The following HTR2C variants were observed in gnomAD, a reference collection of about 807,000 sequenced individuals.
HTR2C encodes the protein 5-hydroxytryptamine receptor 2C, also known as 5-hydroxytryptamine (serotonin) receptor 2C, G protein-coupled.
Under a neutral mutation model 21.0 loss-of-function variants are expected in HTR2C, and 5 were observed. That is an observed-to-expected ratio of 0.24 (90% CI 0.12 to 0.50). The LOEUF is 0.50. Among genes scored for constraint, HTR2C ranks in the 20% least tolerant of loss-of-function variants. The probability of loss-of-function intolerance (pLI) is 0.98; values close to 1 mark genes in which losing one functional copy is unlikely to be tolerated. For missense variants in HTR2C, 271 were observed against 371.2 expected, an observed-to-expected ratio of 0.73 and a Z score of 2.22; for synonymous variants, 150 against 145.3, an observed-to-expected ratio of 1.03 and a Z score of -0.23.
chrX:114,726,895 C>T lies in HTR2C; in HGVS notation c.-42C>T. ...GATGAACCTAGCCTGTTAATTTCGT[C>T]TTCTCAATTTTAAACTTTGGTTGCT... On this transcript the variant is annotated 5_prime_UTR_variant, in exon 3 of 6. Transcript: ENST00000276198. 1 of 967,266 alleles carries T rather than the reference C, an allele frequency of 1.0e-6. No individual in the cohort carries two copies. The highest frequency in any genetic ancestry group is 1.4e-6 in the Non-Finnish European group (1 of 704,701). 79.7% of individuals were successfully genotyped at this position (967,266 alleles called of 1,213,427 possible).
intron 2 of HTR2C, among the ~76,000 whole-genome samples, chrX:114,616,714 A>G (rs938938205): frequency 5.3e-5 from 6 of 112,407 alleles, no homozygotes; most frequent in African/African-American, 1.9e-4. Flanking sequence ...GTATGTATAT[A>G]TTTATATCAC....
At chrX:114,666,670 A>G (rs1931190028) in intron 2 of HTR2C, among the ~76,000 whole-genome samples, 1 of 110,954 alleles carries the variant, frequency 9.0e-6, no homozygotes, top group Admixed American at 9.6e-5. Flanking sequence ...CTTGATTTTT[A>G]AGGCCATTTA....
At chrX:114,675,807 A>T (rs1264625624) in intron 2 of HTR2C, among the ~76,000 whole-genome samples, 1 of 111,706 alleles carries the variant, frequency 9.0e-6, no homozygotes, top group Non-Finnish European at 1.9e-5. Flanking sequence ...TTGCCAAAGA[A>T]CATAAAATAT....
chrX:114,775,775 G>A (rs377197730), intron 4 of HTR2C: 1 of 451,938 alleles, frequency 2.2e-6, no homozygotes. Context: ...ACCACCAATA[G>A]AGACAATATC....
chrX:114,729,074 G>A (rs1482129865), intron 3 of HTR2C, among the ~76,000 whole-genome samples: 2 of 111,953 alleles, frequency 1.8e-5, no homozygotes, highest in African/African-American at 6.5e-5. Context: ...ATGCCAGCAG[G>A]ACAAGTTTTT....
intron 4 of HTR2C, among the ~76,000 whole-genome samples, chrX:114,738,040 A>G (rs1037684385): frequency 8.9e-6 from 1 of 112,276 alleles, no homozygotes; most frequent in Admixed American, 9.5e-5. Flanking sequence ...CTTAGCACAC[A>G]GAATCCAATG....
At chrX:114,852,365 C>T (rs2070925399) in intron 5 of HTR2C, among the ~76,000 whole-genome samples, 1 of 108,752 alleles carries the variant, frequency 9.2e-6, no homozygotes. Context: ...TCTTCTATTC[C>T]GTGGTTAACC....
intron 3 of HTR2C, among the ~76,000 whole-genome samples, chrX:114,730,432 T>G: frequency 8.9e-6 from 1 of 111,942 alleles, no homozygotes. Context: ...CAAATCATTA[T>G]CTAGCCTAGA....
At chrX:114,871,113 G>C (rs1406947167) in intron 5 of HTR2C, among the ~76,000 whole-genome samples, 1 of 110,336 alleles carries the variant, frequency 9.1e-6, no homozygotes, top group Non-Finnish European at 1.9e-5. Context: ...ATAGGTTTTG[G>C]TATGTTGTAT....
chrX:114,657,544 G>A (rs1394258400), intron 2 of HTR2C, among the ~76,000 whole-genome samples: 3 of 111,005 alleles, frequency 2.7e-5, no homozygotes, highest in Non-Finnish European at 5.7e-5. Flanking sequence ...AGAAGTAACC[G>A]ATTGCAATGA....
At chrX:114,753,021 C>A (rs1019977017) in intron 4 of HTR2C, among the ~76,000 whole-genome samples, 2 of 110,960 alleles carry the variant, frequency 1.8e-5, no homozygotes, top group Middle Eastern at 4.7e-3. Context: ...ATTTGATAGA[C>A]ATTTATAAAA....
At chrX:114,875,344 T>C (rs1257649629) in intron 5 of HTR2C, among the ~76,000 whole-genome samples, 1 of 111,828 alleles carries the variant, frequency 8.9e-6, no homozygotes, top group African/African-American at 3.3e-5. Flanking sequence ...AATATTTTTT[T>C]CCATGCCATA....
intron 1 of HTR2C, among the ~76,000 whole-genome samples, chrX:114,603,817 A>G (rs782129694): frequency 0.029 from 2,683 of 93,200 alleles, 139 homozygotes; most frequent in African/African-American, 0.1. Flanking sequence ...TTGTAGAGGC[A>G]GGTATTGAAG....
chrX:114,729,433 T>C lies in HTR2C; in HGVS notation c.36-1861T>C, dbSNP rs1400163104. On this transcript the variant is annotated intron_variant, in intron 3 of 5. Transcript: ENST00000276198. ...AGTGACTGGTCAAAAATTACTGAAG[T>C]CAGATAGCCAGGACATTGGCCACAT... 9.9e-5 allele frequency among the ~76,000 whole-genome samples: 11 copies of C among 111,502 alleles called. 1 individual carries two copies. The Admixed American group carries it at 1.1e-3, about 11-fold the overall frequency.
chrX:114,870,568 A>C (rs2071084062), intron 5 of HTR2C, among the ~76,000 whole-genome samples: 1 of 110,697 alleles, frequency 9.0e-6, no homozygotes, highest in Admixed American at 9.6e-5. Context: ...CTTTACTGGG[A>C]GACTTTTTTT....
At chrX:114,599,557 C>T (rs1243277968) in intron 1 of HTR2C, among the ~76,000 whole-genome samples, 1 of 111,770 alleles carries the variant, frequency 8.9e-6, no homozygotes, top group East Asian at 2.8e-4. Flanking sequence ...GACAATGTCT[C>T]TGTGAACTAC....
At chrX:114,728,347 A>G (rs1204814282) in intron 3 of HTR2C, among the ~76,000 whole-genome samples, 1 of 111,321 alleles carries the variant, frequency 9.0e-6, no homozygotes, top group African/African-American at 3.3e-5. Context: ...CTTTAAGAGC[A>G]AGACCTAAAT....
intron 4 of HTR2C, among the ~76,000 whole-genome samples, chrX:114,841,241 A>C (rs2147482614): frequency 8.9e-6 from 1 of 112,367 alleles, no homozygotes. Context: ...TAACAACTCC[A>C]GCAGACTAGA....
At chrX:114,767,759 A>G (rs1308358416) in intron 4 of HTR2C, among the ~76,000 whole-genome samples, 1 of 108,619 alleles carries the variant, frequency 9.2e-6, no homozygotes, top group African/African-American at 3.3e-5. Context: ...TAAATGAAAT[A>G]TATAATGAAA....
Sources: allele counts gnomAD v4.1 joint callset (sites outside exome capture counted in the v4.1 genomes callset), GRCh38; gene constraint gnomAD v4.1.1; transcripts MANE v1.5; gene names NCBI Gene and HGNC (gene_info 2026-07-23, HGNC 2026-07-21).